Variants in ANKRD13C observed in about 807,000 individuals in gnomAD.
ANKRD13C encodes the protein ankyrin repeat domain 13C.
In ANKRD13C, 16 loss-of-function variants were observed where a neutral mutation model predicts 65.5. The observed-to-expected ratio is 0.24, with a 90% CI of 0.17 to 0.37. The LOEUF is 0.37. Ranked by LOEUF, ANKRD13C falls within the 10% of genes least tolerant of loss-of-function variation. ANKRD13C has a pLI of 1.00. For missense variants in ANKRD13C, 503 were observed against 655.9 expected, an observed-to-expected ratio of 0.77 and a Z score of 2.55; for synonymous variants, 235 against 238.7, an observed-to-expected ratio of 0.98 and a Z score of 0.14.
At chr1:70,329,289 G>A (rs1437020770) in intron 2 of ANKRD13C, among the ~76,000 whole-genome samples, 1 of 152,196 alleles carries the variant, frequency 6.6e-6, no homozygotes, top group Non-Finnish European at 1.5e-5. Context: ...CCAGCACTTT[G>A]GGAGGCCGAG....
chr1:70,262,666 G>C lies in ANKRD13C; in HGVS notation c.*51C>G. ...TCCCTTCTATTTGGATCCACTTCTA[G>C]GGTCTCTGTATTTTCTTTCCTTGGT... On this transcript the variant is annotated 3_prime_UTR_variant, in exon 13 of 13. Coordinates refer to ENST00000370944, the MANE Select transcript of ANKRD13C (RefSeq NM_030816.5). 6.3e-7 allele frequency: 1 copy of C among 1,577,862 alleles called. No individual in the cohort carries two copies. The highest frequency in any genetic ancestry group is 8.6e-7 in the Non-Finnish European group (1 of 1,160,172).
At chr1:70,314,806 T>C (rs1199865921) in intron 4 of ANKRD13C, among the ~76,000 whole-genome samples, 1 of 150,224 alleles carries the variant, frequency 6.7e-6, no homozygotes, top group African/African-American at 2.4e-5. Context: ...CAGGTCTATC[T>C]TTCTCCCACA....
chr1:70,264,757 G>A (rs1427898191), intron 12 of ANKRD13C, among the ~76,000 whole-genome samples: 1 of 152,078 alleles, frequency 6.6e-6, no homozygotes, highest in Admixed American at 6.6e-5. Flanking sequence ...GGTTGGGAGG[G>A]TCAGACAACA....
At chr1:70,295,130 A>C (rs1327268347) in intron 8 of ANKRD13C, among the ~76,000 whole-genome samples, 2 of 152,136 alleles carry the variant, frequency 1.3e-5, no homozygotes, top group Admixed American at 6.5e-5. Flanking sequence ...AAAAATAAAT[A>C]TAATTTTTAA....
At chr1:70,350,367 A>AT (rs933615739) in intron 1 of ANKRD13C, among the ~76,000 whole-genome samples, 10 of 152,228 alleles carry the variant, frequency 6.6e-5, no homozygotes, top group African/African-American at 2.4e-4. Flanking sequence ...TATAGTATTC[A>AT]CTATGTTTCA....
intron 10 of ANKRD13C, 124 bp from the exon 11 acceptor site, chr1:70,274,942 A>T (rs779267279): frequency 2.2e-5 from 14 of 623,368 alleles, no homozygotes; most frequent in Non-Finnish European, 3.1e-5. Flanking sequence ...TGTCTACAGA[A>T]ATAAAGTTAT....
chr1:70,350,339 T>A (rs1420273888), intron 1 of ANKRD13C, among the ~76,000 whole-genome samples: 1 of 152,224 alleles, frequency 6.6e-6, no homozygotes, highest in Non-Finnish European at 1.5e-5. Flanking sequence ...AGATTTTCAT[T>A]TACTTATTTA....
intron 9 of ANKRD13C, among the ~76,000 whole-genome samples, chr1:70,284,838 A>T (rs1477869477): frequency 6.6e-6 from 1 of 152,244 alleles, no homozygotes; most frequent in East Asian, 1.9e-4. Flanking sequence ...TCAATAAGAA[A>T]GAAAACTTTG....
At chr1:70,330,459 GA>G (rs1417091405) in intron 2 of ANKRD13C, among the ~76,000 whole-genome samples, 1 of 151,502 alleles carries the variant, frequency 6.6e-6, no homozygotes, top group African/African-American at 2.4e-5. Context: ...TCAGGAGGCT[GA>G]GGCAGGAGAA....
At position 70,301,037 on chromosome 1, in the gene ANKRD13C, T is replaced by C. The variant is rs530674284; in HGVS notation, c.777-129A>G. 30 of 891,510 alleles carry C rather than the reference T, an allele frequency of 3.4e-5. No individual in the cohort carries two copies. In the African/African-American group the frequency reaches 4.9e-4, roughly 15 times the overall value. 55.2% of individuals were successfully genotyped at this position (891,510 alleles called of 1,614,324 possible). ...ATACCATATTGCAAAGTCAAATTTATAGATAAAAACAAATTTATAGATAAA... is the reference window on the plus strand; with the variant it reads ...ATACCATATTGCAAAGTCAAATTTACAGATAAAAACAAATTTATAGATAAA... On this transcript the variant is annotated intron_variant, in intron 6 of 12. Coordinates refer to ENST00000370944, the MANE Select transcript of ANKRD13C (RefSeq NM_030816.5).
chr1:70,277,293 T>C (rs1179081819), intron 9 of ANKRD13C, among the ~76,000 whole-genome samples: 1 of 152,028 alleles, frequency 6.6e-6, no homozygotes, highest in African/African-American at 2.4e-5. Context: ...CCGTCTTTAC[T>C]AAAAATGCAA....
Position 70,263,208 on chromosome 1 carries a change from T to C in ANKRD13C, c.1496-361A>G, listed in dbSNP as rs77447410. Among the ~76,000 whole-genome samples, 546 of 152,326 alleles carry C rather than the reference T, an allele frequency of 3.6e-3. 6 individuals carry two copies. The highest frequency in any genetic ancestry group is 0.013 in the African/African-American group (524 of 41,584). On this transcript the variant is annotated intron_variant, in intron 12 of 12. Transcript: ENST00000370944. ...GCATTCTGACTTTTTTCTCTTCAGA[T>C]TATAGTATATTTACTATTCTGACTC...
At position 70,261,323 on chromosome 1, in the gene ANKRD13C, C is replaced by A. The variant is rs1678382538; in HGVS notation, c.*1394G>T. On this transcript the variant is annotated 3_prime_UTR_variant, in exon 13 of 13. Transcript: ENST00000370944. ...TATTTTCAATAAGGGTCTCTAAACTCCTTTCAAATTACCTAAAATCCTGAA... is the reference window on the plus strand; with the variant it reads ...TATTTTCAATAAGGGTCTCTAAACTACTTTCAAATTACCTAAAATCCTGAA... The A allele has an allele frequency of 6.6e-6, 1 of 152,006 alleles. No homozygotes were observed. Among genetic ancestry groups the A allele is most frequent in the Non-Finnish European group, 1.5e-5 (1 of 67,932 alleles). The allele number at this position is 152,006 out of a possible 1,614,324, so 9.4% of individuals were successfully genotyped here.
At chr1:70,286,207 T>C (rs897682513) in intron 9 of ANKRD13C, among the ~76,000 whole-genome samples, 1 of 152,178 alleles carries the variant, frequency 6.6e-6, no homozygotes, top group Non-Finnish European at 1.5e-5. Flanking sequence ...GAATATCTGA[T>C]AGAATTACTA....
intron 7 of ANKRD13C, among the ~76,000 whole-genome samples, 189 bp downstream of exon 7, chr1:70,300,575 G>A (rs1177236539): frequency 2.6e-5 from 4 of 151,978 alleles, no homozygotes; most frequent in African/African-American, 7.2e-5. Flanking sequence ...GTGACAGAGC[G>A]AGACTCCAGT....
intron 5 of ANKRD13C, among the ~76,000 whole-genome samples, chr1:70,311,699 T>C (rs1048613112): frequency 3.3e-5 from 5 of 152,198 alleles, no homozygotes; most frequent in Non-Finnish European, 7.3e-5. Flanking sequence ...TTTTCTATAA[T>C]GTTCAAAACT....
chr1:70,353,992 C>G lies in ANKRD13C; in HGVS notation c.417G>C (p.Gln139His). ...AGCACTCCTCACCGTGATTATCTTT[C>G]TGCCCGATATTGTGCGTGCGGATGA... The part of the protein sequence containing the change: ...SSLIRTHNIG[Q>H]KDNHGNTPLH... Residue 139 changes from glutamine to histidine, a missense_variant, in exon 1 of 13, where the codon CAG (glutamine) becomes CAC (histidine). Gln to His is a conservative substitution (Grantham distance 24). Transcript: ENST00000370944. 1.3e-6 allele frequency: 2 copies of G among 1,532,280 alleles called. No individual in the cohort carries two copies. The highest frequency in any genetic ancestry group is 1.8e-6 in the Non-Finnish European group (2 of 1,139,196). 94.9% of individuals were successfully genotyped at this position (1,532,280 alleles called of 1,614,324 possible).
chr1:70,313,941 T>G, intron 4 of ANKRD13C, 151 bp from the exon 5 acceptor site: 4 of 495,266 alleles, frequency 8.1e-6, no homozygotes, highest in Non-Finnish European at 1.5e-5. Context: ...TTATAATATT[T>G]TAATTACATA....
chr1:70,346,538 C>G (rs1345133891), intron 1 of ANKRD13C, among the ~76,000 whole-genome samples: 1 of 152,118 alleles, frequency 6.6e-6, no homozygotes, highest in African/African-American at 2.4e-5. Flanking sequence ...CAGGAAATTG[C>G]AAGTACTAGT....
Sources: allele counts gnomAD v4.1 joint callset (sites outside exome capture counted in the v4.1 genomes callset), GRCh38; gene constraint gnomAD v4.1.1; transcripts MANE v1.5; gene names NCBI Gene and HGNC (gene_info 2026-07-23, HGNC 2026-07-21).